The following CYTH2 variants were observed in gnomAD, a reference collection of about 807,000 sequenced individuals.
The protein encoded by CYTH2 is cytohesin-2.
CYTH2 carries 24 observed loss-of-function variants against 55.4 expected under a neutral mutation model. The observed-to-expected ratio is 0.43, with a 90% CI of 0.31 to 0.61. The LOEUF (loss-of-function observed/expected upper bound fraction) is 0.61, where lower values mean the gene tolerates loss of function less well. CYTH2 is among the 20% of genes least tolerant of loss of function. CYTH2 has a pLI of 0.08. For synonymous variants in CYTH2, 221 were observed against 209.6 expected (o/e 1.05, Z -0.47); for missense variants, 378 against 533.5 (o/e 0.71, Z 2.87).
chr19:48,477,353 T>G (rs565886709), intron 8 of CYTH2: 1 of 152,462 alleles, frequency 6.6e-6, no homozygotes, highest in Admixed American at 6.5e-5. Context: ...AGAGGCACTT[T>G]TACCATGTCA....
chr19:48,472,490 C>T, intron 4 of CYTH2, 47 bp downstream of exon 4: 1 of 1,464,354 alleles, frequency 6.8e-7, no homozygotes, highest in Non-Finnish European at 9.4e-7. Context: ...TCCCACCCCC[C>T]AGACCCAGCT....
In CYTH2 at chr19:48,481,582, G is replaced by A. The variant is rs1214307449; in HGVS notation, c.*2372G>A. On this transcript the variant is annotated 3_prime_UTR_variant, in exon 12 of 12. Transcript: ENST00000452733. Reference sequence around the variant, plus strand: ...GACTGGAGTGCAATGGCGCCATCTCGGCTTACTGCAACCTCCACCTCCCAG... The same window carrying A: ...GACTGGAGTGCAATGGCGCCATCTCAGCTTACTGCAACCTCCACCTCCCAG... 3.1e-5 allele frequency: 5 copies of A among 159,258 alleles called. No homozygotes were observed. The highest frequency in any genetic ancestry group is 1.8e-4 in the East Asian group (1 of 5,472). 9.9% of individuals were successfully genotyped at this position (159,258 alleles called of 1,614,324 possible).
rs186290352 is a variant in CYTH2, at chr19:48,479,019, G to A, written c.1113-104G>A. On this transcript the variant is annotated intron_variant, in intron 11 of 11. Coordinates refer to ENST00000452733, the MANE Select transcript of CYTH2 (RefSeq NM_004228.7). ...CGGGGGCCTGGACTCCTGGGTCTGA[G>A]GGAGGAGGGGCCGGGGGTCTGAGAC... is the stretch of plus-strand genomic sequence containing the variant. 184 of 1,169,984 alleles carry A rather than the reference G, an allele frequency of 1.6e-4. 1 individual carries two copies. In the African/African-American group the frequency reaches 2.8e-3, roughly 18 times the overall value. The allele number at this position is 1,169,984 out of a possible 1,614,324, so 72.5% of individuals were successfully genotyped here. A position where few individuals can be genotyped will look rare whatever the true frequency, so the allele number is the denominator to read the frequency against.
intron 8 of CYTH2, chr19:48,477,789 C>T (rs573782282): frequency 2.3e-5 from 11 of 475,188 alleles, no homozygotes; most frequent in Admixed American, 1.0e-4. Flanking sequence ...CGCCCTGGCG[C>T]CCTGGCCTCC....
chr19:48,474,954 G>A lies in CYTH2; in HGVS notation c.808+5G>A, dbSNP rs964078356. 11 of 1,613,582 alleles carry A rather than the reference G, an allele frequency of 6.8e-6. No homozygotes were observed. Among genetic ancestry groups the A allele is most frequent in the East Asian group, 2.2e-5 (1 of 44,868 alleles). On this transcript the variant is annotated splice_donor_5th_base_variant and intron_variant, in intron 8 of 11. Coordinates refer to ENST00000452733, the MANE Select transcript of CYTH2 (RefSeq NM_004228.7). The surrounding 1 kb of genome is among the most constrained non-coding windows in gnomAD (Gnocchi z 4.9). ...AGGGCTGGCTCCTGAAGCTGGGTAC[G>A]TGCCCTCCCGACCCCGCTGGTCCCT...
At chr19:48,475,265 G>C in intron 8 of CYTH2, 1 of 322,864 alleles carries the variant, frequency 3.1e-6, no homozygotes, top group Non-Finnish European at 5.7e-6. Flanking sequence ...TGGGAGAAGA[G>C]TTCACTCAGG....
chr19:48,478,662 G>GCCT, intron 11 of CYTH2, 70 bp downstream of exon 11: 1 of 1,310,512 alleles, frequency 7.6e-7, no homozygotes, highest in East Asian at 2.7e-5. Flanking sequence ...ATGGAGGAGG[G>GCCT]GCAGGGGCCT....
chr19:48,470,901 C>T lies in CYTH2; in HGVS notation c.234+232C>T, dbSNP rs148209579. ...CCCCTGCCTGGAAGGTCGTCTTCCACTTTCTACTTGTATGGGCGCATTTCT... is the reference window on the plus strand; with the variant it reads ...CCCCTGCCTGGAAGGTCGTCTTCCATTTTCTACTTGTATGGGCGCATTTCT... On this transcript the variant is annotated intron_variant, in intron 3 of 11. Transcript: ENST00000452733. Among the ~76,000 whole-genome samples, 567 of 152,250 alleles carry T rather than the reference C, an allele frequency of 3.7e-3. 3 individuals carry two copies. Among genetic ancestry groups the T allele is most frequent in the African/African-American group, 0.013 (549 of 41,540 alleles).
chr19:48,469,385 G>C lies in CYTH2; in HGVS notation c.-123G>C. 8.8e-7 allele frequency: 1 copy of C among 1,138,370 alleles called. No homozygotes were observed. 70.5% of individuals were successfully genotyped at this position (1,138,370 alleles called of 1,614,324 possible). On this transcript the variant is annotated 5_prime_UTR_variant, in exon 1 of 12. Coordinates refer to ENST00000452733, the MANE Select transcript of CYTH2 (RefSeq NM_004228.7). Reference sequence around the variant, plus strand: ...AGTCTTTTCAGCGCTGAGGACTGGCGCTGAGGAGGCGGCGGTGGCTCCCGG... The same window carrying C: ...AGTCTTTTCAGCGCTGAGGACTGGCCCTGAGGAGGCGGCGGTGGCTCCCGG...
In CYTH2 at chr19:48,474,772, C is replaced by A; in HGVS notation, c.697-66C>A. ...CATCCCATCCCTGGTCTCGCTGCCCCCCACCCTGAGTAACCCTGGGGGGCC... is the reference window on the plus strand; with the variant it reads ...CATCCCATCCCTGGTCTCGCTGCCCACCACCCTGAGTAACCCTGGGGGGCC... On this transcript the variant is annotated intron_variant, in intron 7 of 11. Coordinates refer to ENST00000452733, the MANE Select transcript of CYTH2 (RefSeq NM_004228.7). The surrounding 1 kb of genome is among the most constrained non-coding windows in gnomAD (Gnocchi z 4.9). The A allele has an allele frequency of 1.4e-6, 2 of 1,446,604 alleles. No individual in the cohort carries two copies. The highest frequency in any genetic ancestry group is 1.9e-6 in the Non-Finnish European group (2 of 1,029,698). 89.6% of individuals were successfully genotyped at this position (1,446,604 alleles called of 1,614,324 possible).
At chr19:48,476,899 T>C (rs1471799400) in intron 8 of CYTH2, 1 of 152,174 alleles carries the variant, frequency 6.6e-6, no homozygotes, top group Admixed American at 6.6e-5. Flanking sequence ...AAACAAAAAC[T>C]GCTCCTGTGA....
chr19:48,469,990 CA>C (rs1376827170), intron 1 of CYTH2: 1 of 560,788 alleles, frequency 1.8e-6, no homozygotes, highest in Non-Finnish European at 3.5e-6. Context: ...ACCAGGTCCC[CA>C]GCTACCTCGC....
At chr19:48,476,646 C>T (rs1971919376) in intron 8 of CYTH2, 2 of 152,342 alleles carry the variant, frequency 1.3e-5, no homozygotes, top group East Asian at 3.9e-4. Context: ...GAGGCTGAGG[C>T]AGGCAGATCA....
chr19:48,478,835 G>A (rs7256517), intron 11 of CYTH2, among the ~76,000 whole-genome samples: 1,748 of 145,850 alleles, frequency 0.012, 37 homozygotes, highest in African/African-American at 0.042. Flanking sequence ...TGGGTCTGAC[G>A]GAGGAGGGGC....
chr19:48,474,096 G>A lies in CYTH2; in HGVS notation c.547+79G>A. 6.5e-7 allele frequency: 1 copy of A among 1,545,904 alleles called. No homozygotes were observed. Among genetic ancestry groups the A allele is most frequent in the Non-Finnish European group, 8.7e-7 (1 of 1,146,480 alleles). ...CTAGGTCTGAGGGAGGGAGGGGGCT[G>A]GGAGCTGGGAATCCTGGGTCCTGGG... On this transcript the variant is annotated intron_variant, in intron 6 of 11. Transcript: ENST00000452733. This position sits in a 1 kb window ranked among gnomAD's most constrained non-coding sequence, Gnocchi z 4.9.
chr19:48,475,066 T>A, intron 8 of CYTH2, 117 bp downstream of exon 8: 1 of 899,336 alleles, frequency 1.1e-6, no homozygotes, highest in Non-Finnish European at 1.7e-6. Context: ...ATTCGACCTC[T>A]CTGAACCTCA....
rs1006139156 is a variant in CYTH2, at chr19:48,473,967, C to T, written c.497C>T (p.Ala166Val). The T allele has an allele frequency of 3.1e-6, 5 of 1,613,792 alleles. No individual in the cohort carries two copies. The highest frequency in any genetic ancestry group is 4.2e-6 in the Non-Finnish European group (5 of 1,179,828). Residue 166 changes from alanine (A) to valine (V), a missense_variant, in exon 6 of 12, where the codon GCC becomes GTC. Physicochemically the swap from Ala to Val is moderately conservative, Grantham distance 64. Transcript: ENST00000452733. Reference protein sequence around the residue: ...EAQKIDRMMEAFAQRYCLCNP... With the variant: ...EAQKIDRMMEVFAQRYCLCNP... ...CAGAAAATTGACCGGATGATGGAGG[C>T]CTTCGCCCAGCGATACTGCCTGTGC...
At chr19:48,475,015 T>C (rs1197597345) in intron 8 of CYTH2, 66 bp downstream of exon 8, 1 of 1,449,100 alleles carries the variant, frequency 6.9e-7, no homozygotes, top group East Asian at 2.3e-5. Flanking sequence ...GGCCCTGGAC[T>C]CAGCTTCCGC....
In CYTH2 at chr19:48,469,749, G is replaced by C. The variant is rs968143572; in HGVS notation, c.19+223G>C. ...GCTGAGCCTGTTTCCGGTGGCGGCG[G>C]GAGGGGCGGGATGGAGTGGTGGAGG... On this transcript the variant is annotated intron_variant, in intron 1 of 11. Transcript: ENST00000452733. The C allele has an allele frequency of 5.5e-6, 4 of 732,706 alleles. No homozygotes were observed. The Admixed American group carries it at 1.2e-4, about 22-fold the overall frequency. 45.4% of individuals were successfully genotyped at this position (732,706 alleles called of 1,614,324 possible).
Sources: gnomAD v4.1 joint callset for allele counts (sites outside exome capture counted in the v4.1 genomes callset) on GRCh38, gnomAD v4.1.1 for gene constraint, Gnocchi (gnomAD v3.1) non-coding constraint, MANE v1.5 for transcripts, NCBI Gene and HGNC (gene_info 2026-07-23, HGNC 2026-07-21) for gene names.